Variants in TIAM1 observed in about 807,000 individuals in gnomAD.
TIAM1 encodes rho guanine nucleotide exchange factor TIAM1.
Under a neutral mutation model 163.5 loss-of-function variants are expected in TIAM1, and 65 were observed. That is an observed-to-expected ratio of 0.40 (90% CI 0.33 to 0.49). The LOEUF (loss-of-function observed/expected upper bound fraction) is 0.49, where lower values mean the gene tolerates loss of function less well. Among genes scored for constraint, TIAM1 ranks in the 20% least tolerant of loss-of-function variants. TIAM1 has a pLI of 0.77. For missense variants in TIAM1, 1,789 were observed against 2,044.7 expected (o/e 0.87, Z 2.41); for synonymous variants, 833 against 810.1 (o/e 1.03, Z -0.48).
intron 2 of TIAM1, among the ~76,000 whole-genome samples, chr21:31,385,425 C>T (rs997074362): frequency 2.6e-5 from 4 of 151,954 alleles, no homozygotes; most frequent in East Asian, 3.9e-4. Flanking sequence ...TGGGCTGCTA[C>T]GAAAGAAGGG....
At chr21:31,462,420 C>T (rs1327088590) in intron 2 of TIAM1, among the ~76,000 whole-genome samples, 2 of 152,166 alleles carry the variant, frequency 1.3e-5, no homozygotes, top group African/African-American at 4.8e-5. Context: ...CCAGTTGATC[C>T]TAATGTATCC....
upstream of TIAM1, among the ~76,000 whole-genome samples, chr21:31,344,466 T>TA (rs1331706331): frequency 5.3e-5 from 8 of 152,318 alleles, no homozygotes; most frequent in South Asian, 1.5e-3. Context: ...GAAAAGGTCT[T>TA]AACCATTTTA....
intron 2 of TIAM1, among the ~76,000 whole-genome samples, chr21:31,390,776 T>C (rs1031502300): frequency 6.6e-6 from 1 of 152,218 alleles, no homozygotes; most frequent in African/African-American, 2.4e-5. Flanking sequence ...AACACTGATG[T>C]TCACCCATTA....
chr21:31,463,963 T>C (rs1296473616), intron 2 of TIAM1: 2 of 152,198 alleles, frequency 1.3e-5, no homozygotes, highest in Non-Finnish European at 2.9e-5. Context: ...AGGGCGTATA[T>C]GAAAGTGTAA....
intron 13 of TIAM1, among the ~76,000 whole-genome samples, chr21:31,190,396 A>G (rs1281537166): frequency 6.6e-6 from 1 of 152,158 alleles, no homozygotes; most frequent in African/African-American, 2.4e-5. Flanking sequence ...TGGGCGACAG[A>G]GTAAGACCCT....
chr21:31,120,516 A>G lies in TIAM1; in HGVS notation c.4628T>C (p.Leu1543Pro). 1 of 1,614,216 alleles carries G rather than the reference A, an allele frequency of 6.2e-7. No homozygotes were observed. Among genetic ancestry groups the G allele is most frequent in the Non-Finnish European group, 8.5e-7 (1 of 1,180,046 alleles). The stretch of plus-strand genomic sequence containing the variant: ...TGCCATGCGGGACGCGTGACTATCC[A>G]GGGTTTTCCGGCCTCTTTCCCGCTG... ...ISQRERGRKTLDSHASRMAQL... is the reference protein window; with the variant it reads ...ISQRERGRKTPDSHASRMAQL... The change falls in exon 28 of 28, where the codon CTG becomes CCG. Residue 1543 changes from leucine (L) to proline (P), a missense_variant. By Grantham distance (98) the Leu-to-Pro change is moderately conservative. This residue lies in a region of TIAM1 where 415 missense variants were observed against 439.2 expected (regional missense o/e 0.94). Transcript: ENST00000541036. The surrounding 1 kb of genome is among the most constrained non-coding windows in gnomAD (Gnocchi z 4.2).
intron 1 of TIAM1, among the ~76,000 whole-genome samples, chr21:31,479,709 A>G (rs1230323466): frequency 6.6e-6 from 1 of 152,158 alleles, no homozygotes; most frequent in Non-Finnish European, 1.5e-5. Flanking sequence ...AAAAGGAAGG[A>G]TAAGAAGAGG....
intron 2 of TIAM1, among the ~76,000 whole-genome samples, chr21:31,320,300 G>A (rs1378844025): frequency 1.3e-5 from 2 of 152,136 alleles, no homozygotes; most frequent in African/African-American, 2.4e-5. Flanking sequence ...GGGGCAGGGA[G>A]GTGGAGGATG....
chr21:31,316,569 T>C (rs918586751), intron 2 of TIAM1, among the ~76,000 whole-genome samples: 1 of 152,172 alleles, frequency 6.6e-6, no homozygotes, highest in Non-Finnish European at 1.5e-5. Context: ...ATCAGGACTG[T>C]GTGGTTTGAC....
intron 2 of TIAM1, among the ~76,000 whole-genome samples, chr21:31,408,439 C>T (rs1169277157): frequency 6.6e-6 from 1 of 152,168 alleles, no homozygotes; most frequent in Non-Finnish European, 1.5e-5. Context: ...TACGGACTCT[C>T]TTTCCCGAGT....
chr21:31,501,563 A>G (rs1421857740), intron 1 of TIAM1, among the ~76,000 whole-genome samples: 1 of 151,090 alleles, frequency 6.6e-6, no homozygotes, highest in Non-Finnish European at 1.5e-5. Context: ...TCTCACTGGA[A>G]CCCACCAAAT....
intron 8 of TIAM1, among the ~76,000 whole-genome samples, chr21:31,219,773 A>C (rs1308152187): frequency 6.6e-6 from 1 of 152,232 alleles, no homozygotes. Flanking sequence ...AGATCAGGGC[A>C]TAGAAAAATG....
chr21:31,204,815 ACT>A (rs2086366926), intron 11 of TIAM1, among the ~76,000 whole-genome samples: 1 of 152,172 alleles, frequency 6.6e-6, no homozygotes, highest in African/African-American at 2.4e-5. Flanking sequence ...AAATGAGTTC[ACT>A]CTGAACACAT....
chr21:31,189,725 CAT>C (rs1162659051), intron 13 of TIAM1, among the ~76,000 whole-genome samples: 7 of 152,046 alleles, frequency 4.6e-5, no homozygotes, highest in Non-Finnish European at 8.8e-5. Flanking sequence ...TTGCAACAAA[CAT>C]GTGAGCGGCT....
chr21:31,157,828 T>C (rs2083699484), intron 16 of TIAM1, among the ~76,000 whole-genome samples: 1 of 152,204 alleles, frequency 6.6e-6, no homozygotes, highest in African/African-American at 2.4e-5. Context: ...AACAAAACGT[T>C]ATCTGAGGAA....
chr21:31,193,476 G>A (rs2262256), intron 13 of TIAM1, among the ~76,000 whole-genome samples: 17,512 of 152,190 alleles, frequency 0.12, 1,263 homozygotes, highest in Admixed American at 0.21. Flanking sequence ...TTTCTCAGGT[G>A]TCCTCACAAC....
intron 11 of TIAM1, among the ~76,000 whole-genome samples, chr21:31,203,914 C>G (rs1307496957): frequency 1.3e-5 from 2 of 152,188 alleles, no homozygotes; most frequent in Non-Finnish European, 2.9e-5. Context: ...GTGTGTCCAA[C>G]TATGGAAACA....
intron 1 of TIAM1, among the ~76,000 whole-genome samples, chr21:31,504,680 T>C (rs541055019): frequency 6.6e-6 from 1 of 152,288 alleles, no homozygotes; most frequent in African/African-American, 2.4e-5. Context: ...ACTTCTGCAG[T>C]GGAGGGGGAA....
chr21:31,122,242 G>A (rs1252683190), intron 27 of TIAM1, among the ~76,000 whole-genome samples: 1 of 151,970 alleles, frequency 6.6e-6, no homozygotes, highest in Admixed American at 6.6e-5. Context: ...GCCATTTCCA[G>A]GCAAAATGGA....
Sources: gnomAD v4.1 joint callset for allele counts (sites outside exome capture counted in the v4.1 genomes callset) on GRCh38, gnomAD v4.1.1 for gene constraint, gnomAD v4.1.1 regional missense constraint, Gnocchi (gnomAD v3.1) non-coding constraint, MANE v1.5 for transcripts, NCBI Gene and HGNC (gene_info 2026-07-23, HGNC 2026-07-21) for gene names.